CELF2: variants seen among roughly 807,000 people sequenced by gnomAD.
The protein encoded by CELF2 is CUGBP Elav-like family member 2.
A neutral mutation model predicts 62.6 loss-of-function variants in CELF2; 8 were observed. That is an observed-to-expected ratio of 0.13 (90% CI 0.07 to 0.23). CELF2 has a LOEUF of 0.23. Ranked by LOEUF, CELF2 falls within the 10% of genes least tolerant of loss-of-function variation. The pLI is 1.00. For missense variants in CELF2, 333 were observed against 671.0 expected, an observed-to-expected ratio of 0.50 and a Z score of 5.56; for synonymous variants, 258 against 250.0, an observed-to-expected ratio of 1.03 and a Z score of -0.30.
chr10:10,552,622 C>T, the CELF2 span, among the ~76,000 whole-genome samples: 3 of 152,042 alleles, frequency 2.0e-5, no homozygotes, highest in African/African-American at 7.2e-5. Flanking sequence ...TTGTGGGGGG[C>T]GGTGTGAAAC....
chr10:10,922,437 A>C (rs1296417451), intron 2 of CELF2, among the ~76,000 whole-genome samples: 4 of 152,204 alleles, frequency 2.6e-5, no homozygotes, highest in Non-Finnish European at 5.9e-5. Flanking sequence ...AGCAGCTAAG[A>C]AGCAGACCAC....
chr10:10,773,192 C>T, the CELF2 span, among the ~76,000 whole-genome samples: 103 of 152,236 alleles, frequency 6.8e-4, no homozygotes, highest in African/African-American at 2.4e-3. Flanking sequence ...AAAATAACCC[C>T]CCACCTTTTA....
intron 1 of CELF2, among the ~76,000 whole-genome samples, chr10:11,044,432 A>G (rs2062440315): frequency 6.6e-6 from 1 of 152,052 alleles, no homozygotes; most frequent in Non-Finnish European, 1.5e-5. Flanking sequence ...ATTTTGGGTG[A>G]GCTTTAAATT....
At chr10:11,170,579 AAGGCCAGGAAGGGTAGCAGAT>A (rs1394979265) in intron 2 of CELF2, among the ~76,000 whole-genome samples, 1 of 151,858 alleles carries the variant, frequency 6.6e-6, no homozygotes, top group African/African-American at 2.4e-5. Flanking sequence ...GGCATCGTAG[AAGGCCAGGAAGGGTAGCAGAT>A]ATGCTAGGAA....
intron 1 of CELF2, among the ~76,000 whole-genome samples, chr10:10,857,649 G>GTTTATATATATATATATATATATAGTT (rs1554855649): frequency 6.4e-5 from 6 of 94,258 alleles, no homozygotes; most frequent in African/African-American, 2.3e-4. Context: ...CATATATATA[G>GTTTATATATATATATATATATATAGTT]TATATATATA....
At chr10:10,574,265 A>C in the CELF2 span, among the ~76,000 whole-genome samples, 1 of 152,328 alleles carries the variant, frequency 6.6e-6, no homozygotes, top group South Asian at 2.1e-4. Flanking sequence ...TAAATGATAT[A>C]GTGAAGGCAG....
At chr10:10,723,326 G>A in the CELF2 span, among the ~76,000 whole-genome samples, 1 of 152,098 alleles carries the variant, frequency 6.6e-6, no homozygotes, top group African/African-American at 2.4e-5. Flanking sequence ...AAGTTCTGTT[G>A]GTCTGAACTG....
chr10:11,154,064 G>A (rs1367264156), intron 1 of CELF2, among the ~76,000 whole-genome samples: 1 of 152,102 alleles, frequency 6.6e-6, no homozygotes, highest in East Asian at 1.9e-4. Context: ...TGTGCCAGAT[G>A]TAGTGTCAAA....
chr10:10,548,185 C>G, the CELF2 span, among the ~76,000 whole-genome samples: 1 of 152,230 alleles, frequency 6.6e-6, no homozygotes, highest in African/African-American at 2.4e-5. Flanking sequence ...TCCCTCGTCT[C>G]TTAAATCAAG....
chr10:10,876,049 G>A (rs1001545471), intron 1 of CELF2, among the ~76,000 whole-genome samples: 9 of 152,178 alleles, frequency 5.9e-5, no homozygotes, highest in African/African-American at 1.9e-4. Flanking sequence ...ATGTGTACCT[G>A]AGCCATCCCA....
intron 2 of CELF2, among the ~76,000 whole-genome samples, chr10:11,185,873 C>G (rs941823092): frequency 1.3e-5 from 2 of 152,122 alleles, no homozygotes; most frequent in African/African-American, 4.8e-5. Context: ...GGGAAGTGTT[C>G]TCTCCTCTTC....
chr10:11,055,070 T>C (rs1375254358), intron 1 of CELF2, among the ~76,000 whole-genome samples: 1 of 152,244 alleles, frequency 6.6e-6, no homozygotes, highest in East Asian at 1.9e-4. Flanking sequence ...GAAAATTGAT[T>C]GAATTACAGA....
intron 1 of CELF2, among the ~76,000 whole-genome samples, chr10:10,834,462 A>C (rs1035055494): frequency 2.0e-5 from 3 of 152,190 alleles, no homozygotes; most frequent in Non-Finnish European, 4.4e-5. Flanking sequence ...AACTTAACAA[A>C]AAGAATGAGG....
chr10:10,622,583 A>T, the CELF2 span, among the ~76,000 whole-genome samples: 1 of 152,062 alleles, frequency 6.6e-6, no homozygotes. Context: ...TGAGCCCAGG[A>T]GGTAGAGGCT....
At position 11,328,292 on chromosome 10, in the gene CELF2, T is replaced by C. The variant is rs2095859335; in HGVS notation, c.1439-634T>C. 6.6e-6 allele frequency among the ~76,000 whole-genome samples: 1 copy of C among 152,230 alleles called. No individual in the cohort carries two copies. The highest frequency in any genetic ancestry group is 1.5e-5 in the Non-Finnish European group (1 of 68,044). Reference sequence around the variant, plus strand: ...AGGCCCAGCACTTCCCTAGTCTCCTTGGTATTAACTCCAAATGGGTAAAAA... The same window carrying C: ...AGGCCCAGCACTTCCCTAGTCTCCTCGGTATTAACTCCAAATGGGTAAAAA... On this transcript the variant is annotated intron_variant, in intron 12 of 12. Transcript: ENST00000633077. This position sits in a 1 kb window ranked among gnomAD's most constrained non-coding sequence, Gnocchi z 6.4.
chr10:10,578,845 C>A, the CELF2 span, among the ~76,000 whole-genome samples: 2 of 152,138 alleles, frequency 1.3e-5, no homozygotes, highest in Non-Finnish European at 2.9e-5. Flanking sequence ...AGACTAATTT[C>A]CTTTTGCACC....
intron 3 of CELF2, among the ~76,000 whole-genome samples, chr10:11,230,504 C>A (rs548224353): frequency 9.2e-5 from 14 of 152,300 alleles, no homozygotes; most frequent in African/African-American, 3.4e-4. Context: ...GTACCAAAGT[C>A]AAGAGAGATC....
the CELF2 span, among the ~76,000 whole-genome samples, chr10:10,636,451 T>C: frequency 3.9e-5 from 6 of 152,222 alleles, no homozygotes; most frequent in East Asian, 1.2e-3. Flanking sequence ...ATTTCTGTTA[T>C]GTTAATGCTC....
the CELF2 span, among the ~76,000 whole-genome samples, chr10:10,503,338 A>C: frequency 2.0e-5 from 3 of 151,638 alleles, no homozygotes; most frequent in African/African-American, 7.3e-5. Context: ...AAAGTCTATA[A>C]CTCTAATTGC....
Sources: gnomAD v4.1 joint callset for allele counts (sites outside exome capture counted in the v4.1 genomes callset) on GRCh38, gnomAD v4.1.1 for gene constraint, Gnocchi (gnomAD v3.1) non-coding constraint, MANE v1.5 for transcripts, NCBI Gene and HGNC (gene_info 2026-07-23, HGNC 2026-07-21) for gene names.